ZNF608: variants seen among roughly 807,000 people sequenced by gnomAD.
ZNF608 encodes the protein renal carcinoma antigen NY-REN-36.
In ZNF608, 12 loss-of-function variants were observed where a neutral mutation model predicts 109.0. The observed-to-expected ratio is 0.11, with a 90% CI of 0.07 to 0.18. ZNF608 has a LOEUF of 0.18. Among genes scored for constraint, ZNF608 ranks in the 10% least tolerant of loss-of-function variants. The pLI is 1.00. For missense variants in ZNF608, 1,707 were observed against 1,879.3 expected, an observed-to-expected ratio of 0.91 and a Z score of 1.70; for synonymous variants, 732 against 717.4, an observed-to-expected ratio of 1.02 and a Z score of -0.33.
intron 2 of ZNF608, among the ~76,000 whole-genome samples, chr5:124,719,805 G>A (rs1007947277): frequency 6.6e-6 from 1 of 152,182 alleles, no homozygotes; most frequent in African/African-American, 2.4e-5. Context: ...TACATGCCCA[G>A]TAAAATCCTA....
At chr5:124,713,778 G>A (rs1316957593) in intron 2 of ZNF608, among the ~76,000 whole-genome samples, 1 of 152,160 alleles carries the variant, frequency 6.6e-6, no homozygotes, top group South Asian at 2.1e-4. Context: ...TGGTGGAGAG[G>A]GGGAGGGGAA....
chr5:124,744,463 G>A lies in ZNF608; in HGVS notation c.527C>T (p.Ala176Val). 2 of 1,614,238 alleles carry A rather than the reference G, an allele frequency of 1.2e-6. No homozygotes were observed. Among genetic ancestry groups the A allele is most frequent in the South Asian group, 1.1e-5 (1 of 91,088 alleles). The change falls in exon 2 of 10, where the codon GCC becomes GTC. Residue 176 changes from alanine (A) to valine (V), a missense_variant. Around this residue, in one of 7 missense-constraint regions of ZNF608, gnomAD observed 407 missense variants for 398.7 expected, o/e 1.02. Coordinates refer to ENST00000513986, the MANE Select transcript of ZNF608 (RefSeq NM_020747.3). This position sits in a 1 kb window ranked among gnomAD's most constrained non-coding sequence, Gnocchi z 4.5. ...NSNSTSTSTS[A>V]ATAGAGSCGK... Reference sequence around the variant, plus strand: ...ACAGGAGCCTGCCCCCGCGGTGGCGGCAGAGGTGCTGGTGCTGGTACTATT... The same window carrying A: ...ACAGGAGCCTGCCCCCGCGGTGGCGACAGAGGTGCTGGTGCTGGTACTATT...
chr5:124,706,773 C>T (rs1226857465), intron 2 of ZNF608, among the ~76,000 whole-genome samples: 2 of 152,288 alleles, frequency 1.3e-5, no homozygotes, highest in African/African-American at 4.8e-5. Flanking sequence ...GTGGTGGCAG[C>T]CTGTCAAACC....
At position 124,643,528 on chromosome 5, in the gene ZNF608, G is replaced by A. The variant is rs772972315; in HGVS notation, c.4279C>T (p.Arg1427Cys). The A allele has an allele frequency of 7.2e-5, 116 of 1,613,956 alleles. No individual in the cohort carries two copies. Among genetic ancestry groups the A allele is most frequent in the Admixed American group, 2.5e-4 (15 of 59,992 alleles). Residue 1427 changes from arginine to cysteine, a missense_variant, in exon 7 of 10, where the codon CGC becomes TGC. Coordinates refer to ENST00000513986, the MANE Select transcript of ZNF608 (RefSeq NM_020747.3). ...DLLQQHANQYRSKSPAPVEKA... is the reference protein window; with the variant it reads ...DLLQQHANQYCSKSPAPVEKA... ...AGGCTTACAGCAGGAGACTTGCTGC[G>A]GTATTGGTTAGCATGCTGCTGGAGC...
At chr5:124,718,234 T>C (rs1181733078) in intron 2 of ZNF608, among the ~76,000 whole-genome samples, 3 of 152,242 alleles carry the variant, frequency 2.0e-5, no homozygotes, top group African/African-American at 4.8e-5. Context: ...CAGGTCATCT[T>C]TCTCTGCTTA....
intron 2 of ZNF608, among the ~76,000 whole-genome samples, chr5:124,721,905 G>C (rs1287471804): frequency 1.7e-5 from 2 of 118,538 alleles, no homozygotes; most frequent in Non-Finnish European, 3.3e-5. Context: ...TCGTACCACT[G>C]CACTCCAGCC....
At chr5:124,686,525 CAT>C (rs1333409711) in intron 3 of ZNF608, among the ~76,000 whole-genome samples, 6 of 152,356 alleles carry the variant, frequency 3.9e-5, no homozygotes, top group South Asian at 2.1e-4. Flanking sequence ...CCCAGCCACA[CAT>C]GTTTGTCTGG....
chr5:124,706,083 G>T (rs188982251), intron 2 of ZNF608, among the ~76,000 whole-genome samples: 4 of 152,320 alleles, frequency 2.6e-5, no homozygotes, highest in African/African-American at 9.6e-5. Flanking sequence ...GATAATTGTA[G>T]AACTACAACC....
chr5:124,699,502 A>T (rs1752967285), intron 3 of ZNF608, among the ~76,000 whole-genome samples: 1 of 152,238 alleles, frequency 6.6e-6, no homozygotes, highest in Admixed American at 6.5e-5. Context: ...CAAAAAAGTA[A>T]ATTTTAATCA....
At chr5:124,738,228 C>T (rs1174028734) in intron 2 of ZNF608, among the ~76,000 whole-genome samples, 1 of 152,150 alleles carries the variant, frequency 6.6e-6, no homozygotes, top group African/African-American at 2.4e-5. Context: ...TCTTCAATGA[C>T]TACATTAGGA....
intron 2 of ZNF608, among the ~76,000 whole-genome samples, chr5:124,737,002 G>T (rs764831089): frequency 6.6e-6 from 1 of 152,112 alleles, no homozygotes; most frequent in South Asian, 2.1e-4. Flanking sequence ...TTGCTACCAG[G>T]TCTCCTTAAG....
At chr5:124,646,352 C>T (rs546096319) in intron 5 of ZNF608, among the ~76,000 whole-genome samples, 38 of 151,828 alleles carry the variant, frequency 2.5e-4, no homozygotes, top group South Asian at 2.1e-3. Context: ...AGAGAGATTC[C>T]GTCTCAAAAA....
intron 3 of ZNF608, among the ~76,000 whole-genome samples, chr5:124,689,740 A>C (rs189020686): frequency 4.7e-4 from 71 of 152,304 alleles, no homozygotes; most frequent in Admixed American, 1.2e-3. Context: ...AACACTGACA[A>C]CACCAAATGA....
intron 3 of ZNF608, among the ~76,000 whole-genome samples, chr5:124,679,419 T>TCCTC (rs35274335): frequency 0.19 from 27,027 of 146,074 alleles, 3,027 homozygotes; most frequent in East Asian, 0.46. Flanking sequence ...TTCCTTCTTT[T>TCCTC]CCTCCCTCCC....
intron 2 of ZNF608, among the ~76,000 whole-genome samples, chr5:124,736,866 A>G (rs1010212085): frequency 2.0e-5 from 3 of 152,212 alleles, no homozygotes; most frequent in Non-Finnish European, 4.4e-5. Flanking sequence ...CTTAAAACAT[A>G]CTACTAACAC....
chr5:124,681,894 C>T (rs1175729987), intron 3 of ZNF608, among the ~76,000 whole-genome samples: 3 of 152,180 alleles, frequency 2.0e-5, no homozygotes, highest in Non-Finnish European at 1.5e-5. Context: ...GGAGACAACA[C>T]TGGGGAGCTC....
chr5:124,640,708 A>G (rs1295812457), intron 8 of ZNF608, among the ~76,000 whole-genome samples: 3 of 152,200 alleles, frequency 2.0e-5, no homozygotes, highest in Non-Finnish European at 4.4e-5. Context: ...CCTCATATCA[A>G]TCCTATGGCT....
chr5:124,718,535 T>C (rs538242951), intron 2 of ZNF608, among the ~76,000 whole-genome samples: 1 of 152,326 alleles, frequency 6.6e-6, no homozygotes, highest in East Asian at 1.9e-4. Flanking sequence ...ACATCAATTA[T>C]GGGCCACTGC....
At chr5:124,641,126 G>A in intron 8 of ZNF608, 126 bp downstream of exon 8, 1 of 1,236,164 alleles carries the variant, frequency 8.1e-7, no homozygotes. Flanking sequence ...GAAAATAAGT[G>A]TTAAAAACCC....
Sources: gnomAD v4.1 joint callset for allele counts (sites outside exome capture counted in the v4.1 genomes callset) on GRCh38, gnomAD v4.1.1 for gene constraint, gnomAD v4.1.1 regional missense constraint, Gnocchi (gnomAD v3.1) non-coding constraint, MANE v1.5 for transcripts, NCBI Gene and HGNC (gene_info 2026-07-23, HGNC 2026-07-21) for gene names.